Variants in PCBD2 observed in about 807,000 individuals in gnomAD.
The protein encoded by PCBD2 is pterin-4 alpha-carbinolamine dehydratase 2.
A neutral mutation model predicts 16.4 loss-of-function variants in PCBD2; 12 were observed. The observed-to-expected ratio is 0.73, with a 90% CI of 0.47 to 1.19. PCBD2 has a LOEUF of 1.19. PCBD2 is among the 50% of genes most tolerant of loss of function. The pLI is 0.00. For synonymous variants in PCBD2, 58 were observed against 61.8 expected (o/e 0.94, Z 0.29); for missense variants, 138 against 156.8 (o/e 0.88, Z 0.64).
At chr5:134,949,399 A>T (rs1488566282) in intron 2 of PCBD2, among the ~76,000 whole-genome samples, 1 of 152,072 alleles carries the variant, frequency 6.6e-6, no homozygotes, top group Non-Finnish European at 1.5e-5. Context: ...TGAGTTCTTA[A>T]TAGAGTGCCA....
At position 134,931,539 on chromosome 5, in the gene PCBD2, G is replaced by A. The variant is rs531262760; in HGVS notation, c.216+21073G>A. Among the ~76,000 whole-genome samples the A allele has an allele frequency of 9.2e-5, 14 of 152,248 alleles. 1 individual carries two copies. In the South Asian group the frequency reaches 2.5e-3, roughly 27 times the overall value. On this transcript the variant is annotated intron_variant, in intron 2 of 3. Coordinates refer to ENST00000254908, the MANE Select transcript of PCBD2 (RefSeq NM_032151.5). ...AGAAGCCTCCTAAGGTTAGGTGTTC[G>A]TATTCCCATTTTGCTAATGGTGGAA...
chr5:134,922,513 A>G (rs1020552596), intron 2 of PCBD2, among the ~76,000 whole-genome samples: 2 of 152,286 alleles, frequency 1.3e-5, no homozygotes, highest in Middle Eastern at 3.4e-3. Context: ...TGTAGGCTAG[A>G]CACTATGCCA....
intron 2 of PCBD2, among the ~76,000 whole-genome samples, chr5:134,919,575 A>G (rs1750877482): frequency 6.6e-6 from 1 of 152,216 alleles, no homozygotes; most frequent in South Asian, 2.1e-4. Flanking sequence ...AACTTGGTAT[A>G]AAGTGGTCAC....
intron 2 of PCBD2, among the ~76,000 whole-genome samples, chr5:134,928,874 T>A (rs952438498): frequency 4.6e-5 from 7 of 152,082 alleles, no homozygotes; most frequent in Non-Finnish European, 1.0e-4. Context: ...TGATATTTAC[T>A]GAGCTGGGGA....
At chr5:134,905,423 C>A in intron 1 of PCBD2, 200 bp downstream of exon 1, 1 of 393,210 alleles carries the variant, frequency 2.5e-6, no homozygotes, top group Non-Finnish European at 4.4e-6. Flanking sequence ...CCGCAGCCTC[C>A]GCCACTTGCC....
chr5:134,957,478 G>A (rs1232083307), intron 2 of PCBD2, among the ~76,000 whole-genome samples: 1 of 152,152 alleles, frequency 6.6e-6, no homozygotes, highest in African/African-American at 2.4e-5. Context: ...GTAGTTTAAT[G>A]TGGGTTAACT....
At chr5:134,914,907 A>G (rs1054736349) in intron 2 of PCBD2, among the ~76,000 whole-genome samples, 1 of 152,156 alleles carries the variant, frequency 6.6e-6, no homozygotes, top group Non-Finnish European at 1.5e-5. Flanking sequence ...TCCTGACCTC[A>G]GGTGATCTGC....
In PCBD2 at chr5:134,959,031, CTTATGCAGGCATTTGGCT is replaced by C. The variant is rs1751444062; in HGVS notation, c.217-3_231del. 2 of 1,611,586 alleles carry C rather than the reference CTTATGCAGGCATTTGGCT, an allele frequency of 1.2e-6. No homozygotes were observed. The highest frequency in any genetic ancestry group is 1.1e-5 in the South Asian group (1 of 90,940). On this transcript the variant is annotated splice_acceptor_variant and splice_polypyrimidine_tract_variant and coding_sequence_variant and intron_variant, in exon 3 of 4. Coordinates refer to ENST00000254908, the MANE Select transcript of PCBD2 (RefSeq NM_032151.5). LOFTEE classifies it high-confidence loss of function. ...TGTCAGTAATTACTCTTGACTTCATCTTATGCAGGCATTTGGCTTTATGTCCCGAGTTGCCCTACAAGC... is the reference window on the plus strand; with the variant it reads ...TGTCAGTAATTACTCTTGACTTCATCTTATGTCCCGAGTTGCCCTACAAGC...
rs1302035186 is a variant in PCBD2, at chr5:134,941,578, GT to G, written c.217-17459del. Among the ~76,000 whole-genome samples the G allele has an allele frequency of 2.0e-5, 3 of 152,086 alleles. No homozygotes were observed. The East Asian group carries it at 5.8e-4, about 29-fold the overall frequency. ...CTCTTCTACATGAAACCATAAAATGGTTTCTAAAAGAGACAGTTACTCGCTG... is the reference window on the plus strand; with the variant it reads ...CTCTTCTACATGAAACCATAAAATGGTTCTAAAAGAGACAGTTACTCGCTG... On this transcript the variant is annotated intron_variant, in intron 2 of 3. Transcript: ENST00000254908.
At chr5:134,936,575 G>A (rs1331758260) in intron 2 of PCBD2, among the ~76,000 whole-genome samples, 2 of 152,218 alleles carry the variant, frequency 1.3e-5, no homozygotes, top group African/African-American at 4.8e-5. Context: ...AAGCAGAAAC[G>A]TAAGAAACTG....
At chr5:134,936,968 A>G (rs1358199200) in intron 2 of PCBD2, among the ~76,000 whole-genome samples, 1 of 152,240 alleles carries the variant, frequency 6.6e-6, no homozygotes, top group Non-Finnish European at 1.5e-5. Context: ...AAAAATGGCT[A>G]TAATTTAAAA....
chr5:134,957,383 A>G (rs142653883), intron 2 of PCBD2, among the ~76,000 whole-genome samples: 181 of 152,368 alleles, frequency 1.2e-3, no homozygotes, highest in African/African-American at 4.1e-3. Flanking sequence ...ATTGCTGTCT[A>G]TCAGTGATGT....
intron 2 of PCBD2, among the ~76,000 whole-genome samples, chr5:134,921,985 C>T (rs1750908517): frequency 6.6e-6 from 1 of 152,212 alleles, no homozygotes; most frequent in African/African-American, 2.4e-5. Context: ...TGCCCACAGC[C>T]CAGCCCTAAG....
intron 2 of PCBD2, among the ~76,000 whole-genome samples, chr5:134,931,211 T>C (rs1751090978): frequency 6.6e-6 from 1 of 152,038 alleles, no homozygotes; most frequent in Non-Finnish European, 1.5e-5. Flanking sequence ...CTTCTTTTTC[T>C]TTTTTTTGAA....
intron 2 of PCBD2, among the ~76,000 whole-genome samples, chr5:134,922,836 G>GTATT (rs1561908501): frequency 6.6e-6 from 1 of 151,944 alleles, no homozygotes; most frequent in South Asian, 2.1e-4. Context: ...CTAATTTTTT[G>GTATT]TATTTATTTA....
chr5:134,956,533 A>G (rs1019986962), intron 2 of PCBD2, among the ~76,000 whole-genome samples: 6 of 152,256 alleles, frequency 3.9e-5, no homozygotes, highest in African/African-American at 1.4e-4. Flanking sequence ...TTAGAATGAC[A>G]TGGTTCAAAG....
At chr5:134,928,256 G>C (rs1638571352) in intron 2 of PCBD2, 1 of 389,062 alleles carries the variant, frequency 2.6e-6, no homozygotes, top group African/African-American at 2.1e-5. Context: ...TATCAGGTGT[G>C]AGCGATATAC....
At position 134,962,475 on chromosome 5, in the gene PCBD2, A is replaced by G. The variant is rs1751489647; in HGVS notation, c.*1794A>G. 6.6e-6 allele frequency among the ~76,000 whole-genome samples: 1 copy of G among 152,116 alleles called. No homozygotes were observed. The highest frequency in any genetic ancestry group is 6.5e-5 in the Admixed American group (1 of 15,278). On this transcript the variant is annotated 3_prime_UTR_variant, in exon 4 of 4. Coordinates refer to ENST00000254908, the MANE Select transcript of PCBD2 (RefSeq NM_032151.5). ...ACTATGTTGCCCAGGCTGGTCTTGA[A>G]TGCCTGGGCTCAAATGATCTTCCTG...
At chr5:134,935,921 C>T (rs1453302201) in intron 2 of PCBD2, among the ~76,000 whole-genome samples, 5 of 152,188 alleles carry the variant, frequency 3.3e-5, no homozygotes, top group Non-Finnish European at 5.9e-5. Flanking sequence ...GTTCTTTCTG[C>T]TCTGTTGATC....
Sources: gnomAD v4.1 joint callset for allele counts (sites outside exome capture counted in the v4.1 genomes callset) on GRCh38, gnomAD v4.1.1 for gene constraint, MANE v1.5 for transcripts, NCBI Gene and HGNC (gene_info 2026-07-23, HGNC 2026-07-21) for gene names.